FMO3: variants seen among roughly 807,000 people sequenced by gnomAD.
FMO3 encodes flavin-containing monooxygenase 3.
FMO3 carries 40 observed loss-of-function variants against 39.4 expected under a neutral mutation model. The observed-to-expected ratio is 1.02, with a 90% CI of 0.79 to 1.32. FMO3 has a LOEUF of 1.32. Among genes scored for constraint, FMO3 ranks in the 40% most tolerant of loss-of-function variants. The pLI is 0.00. For synonymous variants in FMO3, 219 were observed against 228.8 expected, an observed-to-expected ratio of 0.96 and a Z score of 0.39; for missense variants, 680 against 651.8, an observed-to-expected ratio of 1.04 and a Z score of -0.47.
rs376540625 is a variant in FMO3 at position 171,110,779 on chromosome 1, T to C, written c.628-19T>C. 5.0e-6 allele frequency: 8 copies of C among 1,611,190 alleles called. No individual in the cohort carries two copies. Among genetic ancestry groups the C allele is most frequent in the Non-Finnish European group, 6.8e-6 (8 of 1,177,552 alleles). On this transcript the variant is annotated intron_variant, in intron 5 of 8. Coordinates refer to ENST00000367755, the MANE Select transcript of FMO3 (RefSeq NM_001002294.3). Reference sequence around the variant, plus strand: ...TACAAATGGTCACTAATTTCATGGTTGAATTGGTGTTTTTTAAGGTCATGA... The same window carrying C: ...TACAAATGGTCACTAATTTCATGGTCGAATTGGTGTTTTTTAAGGTCATGA...
intron 2 of FMO3, among the ~76,000 whole-genome samples, chr1:171,095,906 G>A (rs796506819): frequency 0.038 from 93 of 2,444 alleles, no homozygotes; most frequent in South Asian, 0.25. Flanking sequence ...ATTATAATAT[G>A]TATAAATATA....
intron 2 of FMO3, among the ~76,000 whole-genome samples, chr1:171,096,691 T>TTAA (rs1655095700): frequency 2.9e-5 from 4 of 135,608 alleles, no homozygotes; most frequent in Admixed American, 8.3e-5. Context: ...AAAATATAAT[T>TTAA]AATATAATTA....
intron 2 of FMO3, among the ~76,000 whole-genome samples, chr1:171,096,684 A>G (rs1265865768): frequency 7.6e-6 from 1 of 132,362 alleles, no homozygotes; most frequent in Non-Finnish European, 1.6e-5. Context: ...TATATTTAAA[A>G]TATAATTAAT....
chr1:171,093,179 T>A (rs1366341847), intron 2 of FMO3, among the ~76,000 whole-genome samples: 2 of 152,014 alleles, frequency 1.3e-5, no homozygotes, highest in Non-Finnish European at 2.9e-5. Flanking sequence ...TACATGGATA[T>A]AATGTATAGC....
intron 2 of FMO3, among the ~76,000 whole-genome samples, chr1:171,099,517 A>G (rs1194463924): frequency 2.0e-5 from 3 of 152,058 alleles, no homozygotes; most frequent in Non-Finnish European, 2.9e-5. Context: ...CACTTTCTAT[A>G]TGACACATGA....
chr1:171,105,184 C>T (rs931666648), intron 3 of FMO3, among the ~76,000 whole-genome samples: 3 of 152,068 alleles, frequency 2.0e-5, no homozygotes, highest in African/African-American at 7.2e-5. Flanking sequence ...ATAAACAGTT[C>T]CATGGGTGAG....
intron 6 of FMO3, among the ~76,000 whole-genome samples, chr1:171,111,505 T>G (rs1336080840): frequency 6.6e-6 from 1 of 152,154 alleles, no homozygotes; most frequent in Non-Finnish European, 1.5e-5. Context: ...ACCTGTCACT[T>G]AATGGCAAAG....
At chr1:171,112,890 G>A (rs1404174989) in intron 6 of FMO3, among the ~76,000 whole-genome samples, 1 of 152,206 alleles carries the variant, frequency 6.6e-6, no homozygotes, top group Non-Finnish European at 1.5e-5. Context: ...GAAGACATCT[G>A]TGGGAGACAG....
At chr1:171,109,092 C>T (rs977188117) in intron 5 of FMO3, among the ~76,000 whole-genome samples, 4 of 152,134 alleles carry the variant, frequency 2.6e-5, no homozygotes, top group Admixed American at 2.0e-4. Flanking sequence ...TACTCAAATA[C>T]CTTCCTGTAA....
At chr1:171,113,900 A>G in intron 6 of FMO3, 107 bp from the exon 7 acceptor site, 1 of 777,784 alleles carries the variant, frequency 1.3e-6, no homozygotes, top group Non-Finnish European at 2.0e-6. Flanking sequence ...TGCCTCAGAA[A>G]AAAAAAATCT....
intron 4 of FMO3, 51 bp downstream of exon 4, chr1:171,107,888 C>A (rs771108583): frequency 3.9e-6 from 6 of 1,548,310 alleles, no homozygotes; most frequent in Admixed American, 1.7e-5. Flanking sequence ...AAATGAATAT[C>A]TTGATAATGT....
Position 171,110,801 on chromosome 1 carries a change from A to G in FMO3, c.631A>G (p.Met211Val), listed in dbSNP as rs556961304. ...TELSRTAEQV[M>V]ISSRSGSWVM... is the part of the protein sequence containing the mutation. ...GGTTGAATTGGTGTTTTTTAAGGTC[A>G]TGATCAGTTCCAGAAGTGGCTCCTG... is the stretch of plus-strand genomic sequence containing the variant. The change falls in exon 6 of 9, where the codon ATG (methionine) becomes GTG (valine). Residue 211 changes from methionine to valine, a missense_variant. Transcript: ENST00000367755. 5 of 1,613,932 alleles carry G rather than the reference A, an allele frequency of 3.1e-6. No individual in the cohort carries two copies. The highest frequency in any genetic ancestry group is 2.2e-5 in the East Asian group (1 of 44,872).
At position 171,092,571 on chromosome 1, in the gene FMO3, C is replaced by T. The variant is rs533841899; in HGVS notation, c.-6-82C>T. The T allele has an allele frequency of 1.5e-4, 230 of 1,533,460 alleles. 1 individual carries two copies. Among genetic ancestry groups the T allele is most frequent in the South Asian group, 8.1e-4 (72 of 88,862 alleles). 95.0% of individuals were successfully genotyped at this position (1,533,460 alleles called of 1,614,324 possible). A position where few individuals can be genotyped will look rare whatever the true frequency, so the allele number is the denominator to read the frequency against. ...GTAAAGTTTTTATTAAGCCAAAGAG[C>T]GAAATCAAAATAAATAGATAAATAA... is the stretch of plus-strand genomic sequence containing the variant. On this transcript the variant is annotated intron_variant, in intron 1 of 8. Coordinates refer to ENST00000367755, the MANE Select transcript of FMO3 (RefSeq NM_001002294.3).
At chr1:171,109,880 A>T (rs1313712012) in intron 5 of FMO3, among the ~76,000 whole-genome samples, 1 of 152,080 alleles carries the variant, frequency 6.6e-6, no homozygotes, top group Non-Finnish European at 1.5e-5. Context: ...CTTATAACAA[A>T]TGCCTTGAAG....
In FMO3 at chr1:171,108,211, C is replaced by G; in HGVS notation, c.617C>G (p.Thr206Arg). 1 of 1,613,792 alleles carries G rather than the reference C, an allele frequency of 6.2e-7. No individual in the cohort carries two copies. The highest frequency in any genetic ancestry group is 8.5e-7 in the Non-Finnish European group (1 of 1,179,846). ...GCDIATELSR[T>R]AEQVMISSRS... ...GATATTGCCACAGAACTCAGCCGCACAGCAGAACAGGTACTACTCCCCGGG... is the reference window on the plus strand; with the variant it reads ...GATATTGCCACAGAACTCAGCCGCAGAGCAGAACAGGTACTACTCCCCGGG... The change falls in exon 5 of 9, where the codon ACA (threonine) becomes AGA (arginine). Residue 206 changes from threonine to arginine, a missense_variant. Transcript: ENST00000367755.
intron 6 of FMO3, among the ~76,000 whole-genome samples, chr1:171,112,833 G>A (rs1439547862): frequency 2.0e-5 from 3 of 152,108 alleles, no homozygotes; most frequent in Non-Finnish European, 4.4e-5. Flanking sequence ...CTAAAGGTCT[G>A]GGGACTGAGT....
chr1:171,114,175 T>C lies in FMO3; in HGVS notation c.996T>C (p.Ser332=). 6.2e-7 allele frequency: 1 copy of C among 1,614,054 alleles called. No individual in the cohort carries two copies. The highest frequency in any genetic ancestry group is 1.7e-5 in the Admixed American group (1 of 60,014). ...GTGTAATCTTTGCAACAGGGTATAG[T>C]TTTGCCTACCCCTTCCTTGATGAGT... ...IDCVIFATGY[S]FAYPFLDESI... The change falls in exon 7 of 9, where the codon AGT becomes AGC. Residue 332 remains serine, a synonymous_variant. Coordinates refer to ENST00000367755, the MANE Select transcript of FMO3 (RefSeq NM_001002294.3).
intron 2 of FMO3, among the ~76,000 whole-genome samples, chr1:171,102,971 A>C (rs1300180782): frequency 1.3e-5 from 2 of 152,230 alleles, no homozygotes; most frequent in Non-Finnish European, 2.9e-5. Context: ...ACCTTATTTT[A>C]TACATTATAG....
At chr1:171,095,732 T>TTA (rs200656733) in intron 2 of FMO3, among the ~76,000 whole-genome samples, 2,539 of 134,962 alleles carry the variant, frequency 0.019, 29 homozygotes, top group Middle Eastern at 0.044. Context: ...TATGTTTCTT[T>TTA]TATATATATC....
Sources: allele counts gnomAD v4.1 joint callset (sites outside exome capture counted in the v4.1 genomes callset), GRCh38; gene constraint gnomAD v4.1.1; transcripts MANE v1.5; gene names NCBI Gene and HGNC (gene_info 2026-07-23, HGNC 2026-07-21).